The following TCF7L2 variants were observed in gnomAD, a reference collection of about 807,000 sequenced individuals.
The protein encoded by TCF7L2 is transcription factor 7 like 2.
Under a neutral mutation model 77.9 loss-of-function variants are expected in TCF7L2, and 23 were observed. The observed-to-expected ratio is 0.30, with a 90% CI of 0.21 to 0.42. TCF7L2 has a LOEUF of 0.42. Ranked by LOEUF, TCF7L2 falls within the 10% of genes least tolerant of loss-of-function variation. The pLI is 1.00. For missense variants in TCF7L2, 654 were observed against 793.1 expected, an observed-to-expected ratio of 0.82 and a Z score of 2.11; for synonymous variants, 413 against 340.2, an observed-to-expected ratio of 1.21 and a Z score of -2.36.
At chr10:113,021,628 T>C (rs565945252) in intron 4 of TCF7L2, among the ~76,000 whole-genome samples, 2 of 152,278 alleles carry the variant, frequency 1.3e-5, no homozygotes, top group Admixed American at 1.3e-4. Flanking sequence ...TTCAGAGAGG[T>C]TAAGTAACCC....
intron 5 of TCF7L2, chr10:113,129,574 T>G (rs2066226695): frequency 1.0e-6 from 1 of 1,002,840 alleles, no homozygotes; most frequent in South Asian, 4.1e-5. Context: ...TTTTAAGATT[T>G]TTTTAGGGAT....
chr10:113,067,857 G>GTTTGTTTGTT (rs1564847691), intron 5 of TCF7L2, among the ~76,000 whole-genome samples: 2 of 151,922 alleles, frequency 1.3e-5, no homozygotes, highest in Middle Eastern at 3.4e-3. Flanking sequence ...TGTGGGTTTT[G>GTTTGTTTGTT]TTTGTTTGTA....
At chr10:113,126,319 C>T (rs187053580) in intron 5 of TCF7L2, among the ~76,000 whole-genome samples, 2 of 152,224 alleles carry the variant, frequency 1.3e-5, no homozygotes, top group Non-Finnish European at 2.9e-5. Flanking sequence ...GAAGTGGTCC[C>T]TCCAAGTTTA....
intron 5 of TCF7L2, among the ~76,000 whole-genome samples, chr10:113,105,063 T>G (rs2062115011): frequency 6.6e-6 from 1 of 152,200 alleles, no homozygotes; most frequent in Non-Finnish European, 1.5e-5. Context: ...AGGTCTCTCT[T>G]TACTGCTTCT....
chr10:113,162,283 C>T (rs1046936648), intron 13 of TCF7L2, among the ~76,000 whole-genome samples: 3 of 152,066 alleles, frequency 2.0e-5, no homozygotes, highest in African/African-American at 4.8e-5. Flanking sequence ...ACAATAAGGC[C>T]GGTTCAGGTA....
At chr10:113,009,136 A>C (rs998554717) in intron 4 of TCF7L2, among the ~76,000 whole-genome samples, 3 of 152,030 alleles carry the variant, frequency 2.0e-5, no homozygotes, top group African/African-American at 7.3e-5. Flanking sequence ...GGGTCTCACT[A>C]TATTGCCCAT....
intron 4 of TCF7L2, among the ~76,000 whole-genome samples, chr10:113,015,445 GC>G: frequency 7.3e-6 from 1 of 137,758 alleles, no homozygotes; most frequent in African/African-American, 2.9e-5. Context: ...TGCCTGATGA[GC>G]TTTTTTTTTT....
At chr10:112,986,334 C>T (rs1432418651) in intron 4 of TCF7L2, among the ~76,000 whole-genome samples, 1 of 152,110 alleles carries the variant, frequency 6.6e-6, no homozygotes, top group African/African-American at 2.4e-5. Flanking sequence ...ACAGGCTTGG[C>T]ACCCACTTAC....
intron 4 of TCF7L2, among the ~76,000 whole-genome samples, chr10:113,011,006 CAAAAAAAAG>C (rs2133602722): frequency 6.6e-6 from 1 of 150,708 alleles, no homozygotes; most frequent in South Asian, 2.1e-4. Flanking sequence ...GATCCTGTCT[CAAAAAAAAG>C]AAAAAAAAGG....
chr10:113,048,307 T>G (rs1423205308), intron 5 of TCF7L2, among the ~76,000 whole-genome samples: 1 of 152,204 alleles, frequency 6.6e-6, no homozygotes. Context: ...TTGTCATTTC[T>G]TGTCTTGCTG....
chr10:113,016,402 T>C (rs2047348278), intron 4 of TCF7L2, among the ~76,000 whole-genome samples: 1 of 152,210 alleles, frequency 6.6e-6, no homozygotes, highest in Non-Finnish European at 1.5e-5. Context: ...TTTAATGATA[T>C]CTGGGGAATC....
intron 5 of TCF7L2, among the ~76,000 whole-genome samples, chr10:113,122,106 G>A (rs2064900039): frequency 6.6e-6 from 1 of 152,106 alleles, no homozygotes; most frequent in Non-Finnish European, 1.5e-5. Flanking sequence ...CTTGGCAAAG[G>A]ATATGTCCTT....
intron 5 of TCF7L2, among the ~76,000 whole-genome samples, chr10:113,123,901 T>G (rs968874306): frequency 6.6e-6 from 1 of 152,182 alleles, no homozygotes; most frequent in South Asian, 2.1e-4. Context: ...AAGTGATATA[T>G]TTTTAGGACC....
At chr10:113,023,400 G>A (rs186847297) in intron 4 of TCF7L2, among the ~76,000 whole-genome samples, 12 of 152,266 alleles carry the variant, frequency 7.9e-5, no homozygotes, top group African/African-American at 2.6e-4. Flanking sequence ...TAATTCTCAA[G>A]GCAAAGCCCC....
intron 8 of TCF7L2, among the ~76,000 whole-genome samples, chr10:113,149,730 T>C (rs1269437279): frequency 1.4e-5 from 2 of 145,236 alleles, no homozygotes; most frequent in African/African-American, 4.9e-5. Flanking sequence ...TGTTATTCCT[T>C]GGATGGTACA....
intron 4 of TCF7L2, among the ~76,000 whole-genome samples, chr10:113,039,328 A>G (rs550296221): frequency 6.6e-6 from 1 of 152,314 alleles, no homozygotes; most frequent in South Asian, 2.1e-4. Flanking sequence ...GGACAGACAG[A>G]ATTGATGTAC....
At chr10:113,052,205 G>A (rs1372247014) in intron 5 of TCF7L2, among the ~76,000 whole-genome samples, 1 of 152,158 alleles carries the variant, frequency 6.6e-6, no homozygotes, top group Non-Finnish European at 1.5e-5. Context: ...TCTGAGCCGA[G>A]TGCAGGGTTT....
intron 4 of TCF7L2, among the ~76,000 whole-genome samples, chr10:113,038,124 G>T (rs756395943): frequency 1.3e-5 from 2 of 152,142 alleles, no homozygotes; most frequent in Non-Finnish European, 2.9e-5. Flanking sequence ...AGATGGTAAG[G>T]ATAACCAAGG....
Position 113,040,040 on chromosome 10 carries a change from T to A in TCF7L2, c.466T>A (p.Trp156Arg), listed in dbSNP as rs2052164629. ...CTCTCGCCAGTATCTCCAGATGAAA[T>A]GGCCACTGCTTGATGTCCAGGCAGG... is the stretch of plus-strand genomic sequence containing the variant. The change falls in exon 5 of 14, where the codon TGG becomes AGG. Residue 156 changes from tryptophan to arginine, a missense_variant. By Grantham distance (101) the Trp-to-Arg change is moderately radical. Around this residue, in one of 6 missense-constraint regions of TCF7L2, gnomAD observed 179 missense variants for 270.6 expected, o/e 0.66. Coordinates refer to ENST00000627217, the MANE Select transcript of TCF7L2 (RefSeq NM_001146274.2). 1 of 1,613,594 alleles carries A rather than the reference T, an allele frequency of 6.2e-7. No individual in the cohort carries two copies. The highest frequency in any genetic ancestry group is 1.7e-5 in the Admixed American group (1 of 59,926).
Sources: gnomAD v4.1 joint callset for allele counts (sites outside exome capture counted in the v4.1 genomes callset) on GRCh38, gnomAD v4.1.1 for gene constraint, gnomAD v4.1.1 regional missense constraint, MANE v1.5 for transcripts, NCBI Gene and HGNC (gene_info 2026-07-23, HGNC 2026-07-21) for gene names.